Variants in HS6ST3 observed in about 807,000 individuals in gnomAD.
The protein encoded by HS6ST3 is heparan sulfate 6-O-sulfotransferase 3.
Under a neutral mutation model 36.7 loss-of-function variants are expected in HS6ST3, and 12 were observed. The observed-to-expected ratio is 0.33, with a 90% confidence interval of 0.21 to 0.53. HS6ST3 has a LOEUF of 0.53. Among genes scored for constraint, HS6ST3 ranks in the 20% least tolerant of loss-of-function variants. The pLI is 0.95. For missense variants in HS6ST3, 584 were observed against 640.9 expected (o/e 0.91, Z 0.96); for synonymous variants, 240 against 257.5 (o/e 0.93, Z 0.65).
chr13:96,422,193 A>G (rs1480739157), intron 1 of HS6ST3, among the ~76,000 whole-genome samples: 1 of 152,236 alleles, frequency 6.6e-6, no homozygotes, highest in Non-Finnish European at 1.5e-5. Flanking sequence ...ACTGCTTAGC[A>G]CATCGCATTG....
chr13:96,251,507 TTTTG>T (rs1306335548), intron 1 of HS6ST3, among the ~76,000 whole-genome samples: 1 of 152,122 alleles, frequency 6.6e-6, no homozygotes, highest in African/African-American at 2.4e-5. Context: ...GGTTTATTGA[TTTTG>T]TTTATCTTTT....
chr13:96,490,836 G>A (rs1431844603), intron 1 of HS6ST3, among the ~76,000 whole-genome samples: 5 of 152,168 alleles, frequency 3.3e-5, no homozygotes, highest in African/African-American at 9.7e-5. Context: ...TATTACCACC[G>A]GCTATGCTGC....
At chr13:96,273,275 T>A (rs1048829283) in intron 1 of HS6ST3, among the ~76,000 whole-genome samples, 1 of 151,902 alleles carries the variant, frequency 6.6e-6, no homozygotes, top group Non-Finnish European at 1.5e-5. Context: ...AAAATAATGC[T>A]TGTAGATAAT....
rs1594677464 is a variant in HS6ST3 at position 96,105,002 on chromosome 13, C to G, written c.707+13433C>G. Among the ~76,000 whole-genome samples the G allele has an allele frequency of 2.2e-5, 3 of 137,376 alleles. No homozygotes were observed. The East Asian group carries it at 6.1e-4, about 28-fold the overall frequency. The allele number at this position is 137,376 out of a possible 152,430, so 90.1% of individuals were successfully genotyped here. On this transcript the variant is annotated intron_variant, in intron 1 of 1. Coordinates refer to ENST00000376705, the MANE Select transcript of HS6ST3 (RefSeq NM_153456.4). ...AGATTGGAAAGGACACAATAATGTA[C>G]AGGGCAAATAATGTAATTATTTGCA... is the stretch of plus-strand genomic sequence containing the variant.
chr13:96,482,470 TC>T (rs1273592224), intron 1 of HS6ST3, among the ~76,000 whole-genome samples: 3 of 151,712 alleles, frequency 2.0e-5, no homozygotes, highest in Non-Finnish European at 4.4e-5. Flanking sequence ...TTTTTTTTTT[TC>T]CGTAAAGCCT....
At chr13:96,410,286 G>T (rs1828973025) in intron 1 of HS6ST3, among the ~76,000 whole-genome samples, 1 of 151,970 alleles carries the variant, frequency 6.6e-6, no homozygotes, top group South Asian at 2.1e-4. Flanking sequence ...ATATAATAAT[G>T]AAGTTTTTAT....
At chr13:96,779,043 A>T (rs1877461564) in intron 1 of HS6ST3, among the ~76,000 whole-genome samples, 1 of 152,156 alleles carries the variant, frequency 6.6e-6, no homozygotes, top group South Asian at 2.1e-4. Flanking sequence ...GCTGGAAACC[A>T]TCATTCTCAG....
At chr13:96,413,073 T>G (rs879527766) in intron 1 of HS6ST3, among the ~76,000 whole-genome samples, 1 of 152,174 alleles carries the variant, frequency 6.6e-6, no homozygotes. Context: ...CCTGAGAGCA[T>G]GCCCATCAAG....
intron 1 of HS6ST3, among the ~76,000 whole-genome samples, chr13:96,568,171 A>G (rs2056288413): frequency 6.6e-6 from 1 of 152,246 alleles, no homozygotes; most frequent in African/African-American, 2.4e-5. Flanking sequence ...ATGGGTATTC[A>G]TTACAGCATT....
intron 1 of HS6ST3, among the ~76,000 whole-genome samples, chr13:96,110,905 T>G (rs573775124): frequency 6.6e-6 from 1 of 152,270 alleles, no homozygotes; most frequent in Non-Finnish European, 1.5e-5. Flanking sequence ...CACAACTTAC[T>G]TACCTTTCCA....
intron 1 of HS6ST3, among the ~76,000 whole-genome samples, chr13:96,782,409 G>GGGTGTGGCTTGTGGGCTGCTA (rs1371706448): frequency 1.3e-5 from 2 of 152,268 alleles, no homozygotes; most frequent in African/African-American, 4.8e-5. Context: ...CCTTGCATAT[G>GGGTGTGGCTTGTGGGCTGCTA]GGTGTGGCTT....
intron 1 of HS6ST3, among the ~76,000 whole-genome samples, chr13:96,536,412 A>G (rs1330075436): frequency 6.6e-6 from 1 of 152,230 alleles, no homozygotes; most frequent in Non-Finnish European, 1.5e-5. Flanking sequence ...CCGCTGTTAC[A>G]CTTATAATTT....
At chr13:96,633,167 C>T (rs747581807) in intron 1 of HS6ST3, among the ~76,000 whole-genome samples, 47 of 152,138 alleles carry the variant, frequency 3.1e-4, no homozygotes, top group Non-Finnish European at 5.7e-4. Context: ...GTGTGCACGT[C>T]AGCAGGGACG....
chr13:96,223,901 A>G (rs914546679), intron 1 of HS6ST3, among the ~76,000 whole-genome samples: 8 of 152,148 alleles, frequency 5.3e-5, no homozygotes, highest in Non-Finnish European at 1.2e-4. Flanking sequence ...TTTCTTCCAG[A>G]TGGCAGCTAG....
chr13:96,560,983 C>T (rs2056259829), intron 1 of HS6ST3, among the ~76,000 whole-genome samples: 1 of 152,054 alleles, frequency 6.6e-6, no homozygotes, highest in Non-Finnish European at 1.5e-5. Context: ...TCTACAGATT[C>T]AACACTATTT....
chr13:96,553,999 T>C (rs1171669038), intron 1 of HS6ST3, among the ~76,000 whole-genome samples: 2 of 152,134 alleles, frequency 1.3e-5, no homozygotes, highest in Non-Finnish European at 2.9e-5. Flanking sequence ...CGTGCATGTG[T>C]GTGCGCGTGC....
chr13:96,701,797 A>G (rs1441776569), intron 1 of HS6ST3, among the ~76,000 whole-genome samples: 1 of 151,770 alleles, frequency 6.6e-6, no homozygotes, highest in African/African-American at 2.4e-5. Context: ...CCATCTCTAC[A>G]AAAAAAATAC....
At chr13:96,504,008 A>G (rs2056016051) in intron 1 of HS6ST3, among the ~76,000 whole-genome samples, 1 of 152,138 alleles carries the variant, frequency 6.6e-6, no homozygotes. Flanking sequence ...GTTTCTTCTT[A>G]TAAGGACACT....
chr13:96,321,353 T>G (rs1049412521), intron 1 of HS6ST3, among the ~76,000 whole-genome samples: 1 of 152,156 alleles, frequency 6.6e-6, no homozygotes, highest in African/African-American at 2.4e-5. Flanking sequence ...CATGATCTTT[T>G]CTGTATTCTT....
Sources: gnomAD v4.1 joint callset for allele counts (sites outside exome capture counted in the v4.1 genomes callset) on GRCh38, gnomAD v4.1.1 for gene constraint, MANE v1.5 for transcripts, NCBI Gene and HGNC (gene_info 2026-07-23, HGNC 2026-07-21) for gene names.